The following EDA variants were observed in gnomAD, a reference collection of about 807,000 sequenced individuals.
EDA encodes the protein ectodysplasin-A.
Under a neutral mutation model 23.6 loss-of-function variants are expected in EDA, and 2 were observed. That is an observed-to-expected ratio of 0.08 (90% CI 0.03 to 0.27). The LOEUF (loss-of-function observed/expected upper bound fraction) is 0.27, where lower values mean the gene tolerates loss of function less well. EDA is among the 10% of genes least tolerant of loss of function. The probability of loss-of-function intolerance (pLI) is 1.00; values close to 1 mark genes in which losing one functional copy is unlikely to be tolerated. For missense variants in EDA, 229 were observed against 324.2 expected, an observed-to-expected ratio of 0.71 and a Z score of 2.26; for synonymous variants, 131 against 132.0, an observed-to-expected ratio of 0.99 and a Z score of 0.05.
chrX:69,623,305 C>T, intron 1 of EDA, among the ~76,000 whole-genome samples: 1 of 112,120 alleles, frequency 8.9e-6, no homozygotes, highest in Non-Finnish European at 1.9e-5. Flanking sequence ...CATGAACATG[C>T]CCAGCAGATT....
rs773499071 is a variant in EDA at position 69,827,068 on chromosome X, C to T, written c.397-129959C>T. Among the ~76,000 whole-genome samples the T allele has an allele frequency of 3.3e-3, 367 of 111,968 alleles. 1 individual carries two copies. Among genetic ancestry groups the T allele is most frequent in the African/African-American group, 0.011 (351 of 30,779 alleles). ...CTTTTAGAGTTTCTGCCGAGAGATC[C>T]GTTGTTAGTCTGATGGGCTTCCCTT... On this transcript the variant is annotated intron_variant, in intron 1 of 7. Coordinates refer to ENST00000374552, the MANE Select transcript of EDA (RefSeq NM_001399.5).
intron 1 of EDA, among the ~76,000 whole-genome samples, chrX:69,800,544 GC>G (rs1316674407): frequency 9.0e-6 from 1 of 110,842 alleles, no homozygotes; most frequent in Admixed American, 9.6e-5. Context: ...ATAACCTGAT[GC>G]CTCATTAGCC....
At chrX:69,881,920 T>G (rs190442904) in intron 1 of EDA, among the ~76,000 whole-genome samples, 2 of 109,994 alleles carry the variant, frequency 1.8e-5, no homozygotes, top group African/African-American at 3.3e-5. Context: ...GAGCAAGAAC[T>G]CACTCATTAC....
chrX:69,631,272 T>C (rs1932569689), intron 1 of EDA, among the ~76,000 whole-genome samples: 2 of 108,485 alleles, frequency 1.8e-5, no homozygotes, highest in African/African-American at 6.7e-5. Flanking sequence ...TCCTAGCTAC[T>C]TGGGAGGCTG....
chrX:69,656,191 A>G (rs1339184732), intron 1 of EDA, among the ~76,000 whole-genome samples: 2 of 110,967 alleles, frequency 1.8e-5, no homozygotes, highest in Non-Finnish European at 3.8e-5. Flanking sequence ...TTCCTGACTA[A>G]AACCTATATT....
chrX:70,018,036 T>C (rs746913738), intron 2 of EDA, among the ~76,000 whole-genome samples: 102 of 111,509 alleles, frequency 9.1e-4, no homozygotes, highest in Non-Finnish European at 1.2e-3. Flanking sequence ...CAAAAATTAG[T>C]AGCATTCCTA....
chrX:69,766,201 A>G (rs1413738120), intron 1 of EDA, among the ~76,000 whole-genome samples: 2 of 111,577 alleles, frequency 1.8e-5, no homozygotes, highest in Non-Finnish European at 3.8e-5. Context: ...GAGCCCACAC[A>G]TTGAGTTTTC....
intron 1 of EDA, among the ~76,000 whole-genome samples, chrX:69,725,435 A>G (rs1298412531): frequency 1.8e-5 from 2 of 112,219 alleles, no homozygotes; most frequent in Non-Finnish European, 3.8e-5. Flanking sequence ...TTCTGTGAGC[A>G]TTTTTTGACA....
chrX:69,855,074 C>CT (rs937823186), intron 1 of EDA, among the ~76,000 whole-genome samples: 74 of 109,740 alleles, frequency 6.7e-4, no homozygotes, highest in African/African-American at 2.4e-3. Flanking sequence ...TGATGCTGAG[C>CT]TTTTTTTTTC....
At chrX:69,791,498 A>C (rs1480054874) in intron 1 of EDA, among the ~76,000 whole-genome samples, 2 of 111,815 alleles carry the variant, frequency 1.8e-5, no homozygotes, top group Non-Finnish European at 3.8e-5. Flanking sequence ...CTTCTTAATC[A>C]CCATAAGAGG....
intron 1 of EDA, among the ~76,000 whole-genome samples, chrX:69,862,740 G>A (rs1284659981): frequency 9.0e-6 from 1 of 111,493 alleles, no homozygotes; most frequent in Non-Finnish European, 1.9e-5. Context: ...CACTGTGCCT[G>A]GCCAAGAACA....
Position 70,038,727 on chromosome X carries a change from G to A in EDA, c.*3118G>A, listed in dbSNP as rs996203104. The A allele has an allele frequency of 2.7e-5, 3 of 112,498 alleles. No individual in the cohort carries two copies. Among genetic ancestry groups the A allele is most frequent in the Non-Finnish European group, 3.8e-5 (2 of 53,260 alleles). 9.3% of individuals were successfully genotyped at this position (112,498 alleles called of 1,213,427 possible). On this transcript the variant is annotated 3_prime_UTR_variant, in exon 8 of 8. Coordinates refer to ENST00000374552, the MANE Select transcript of EDA (RefSeq NM_001399.5). ...CAAAGACTTTGATCCATGTATGAGT[G>A]TATGTGTTTATGTAACTTCCTGTGG...
chrX:69,686,910 A>G (rs910504541), intron 1 of EDA, among the ~76,000 whole-genome samples: 1 of 111,579 alleles, frequency 9.0e-6, no homozygotes, highest in Non-Finnish European at 1.9e-5. Flanking sequence ...TTGTGTAAAC[A>G]TTTGTTTTCA....
chrX:69,800,601 A>G (rs2015661002), intron 1 of EDA, among the ~76,000 whole-genome samples: 1 of 111,672 alleles, frequency 9.0e-6, no homozygotes, highest in African/African-American at 3.2e-5. Flanking sequence ...CTGGAGACTG[A>G]TGAATAATGA....
intron 1 of EDA, among the ~76,000 whole-genome samples, chrX:69,621,515 A>G (rs755494703): frequency 1.1e-3 from 122 of 111,842 alleles, no homozygotes; most frequent in Non-Finnish European, 2.1e-3. Context: ...TGTTATCACT[A>G]TATCCTCCTC....
At position 69,997,840 on chromosome X, in the gene EDA, C is replaced by G. The variant is rs1328120404; in HGVS notation, c.503-25378C>G. Among the ~76,000 whole-genome samples the G allele has an allele frequency of 2.7e-5, 3 of 112,483 alleles. No homozygotes were observed. The East Asian group carries it at 8.4e-4, about 31-fold the overall frequency. ...AGAGGTTGCAAGCCCCAAGCCATGG[C>G]AACTTCCACTTGGTTTTGAGCCTGC... On this transcript the variant is annotated intron_variant, in intron 2 of 7. Transcript: ENST00000374552.
At chrX:69,772,332 C>T (rs115841553) in intron 1 of EDA, among the ~76,000 whole-genome samples, 68 of 111,407 alleles carry the variant, frequency 6.1e-4, no homozygotes, top group African/African-American at 1.7e-3. Context: ...TAGTGGATTA[C>T]ATTAAATGAT....
At chrX:69,989,795 C>G (rs902920451) in intron 2 of EDA, among the ~76,000 whole-genome samples, 4 of 106,149 alleles carry the variant, frequency 3.8e-5, no homozygotes, top group Non-Finnish European at 5.8e-5. Flanking sequence ...AACTTGAGGA[C>G]AGATGAATAC....
intron 5 of EDA, 90 bp downstream of exon 5, chrX:70,029,628 G>A (rs2020170768): frequency 2.0e-6 from 2 of 980,755 alleles, no homozygotes; most frequent in Non-Finnish European, 2.9e-6. Flanking sequence ...ATTTCCTGAG[G>A]CTTTATTTCA....
Sources: allele counts gnomAD v4.1 joint callset (sites outside exome capture counted in the v4.1 genomes callset), GRCh38; gene constraint gnomAD v4.1.1; transcripts MANE v1.5; gene names NCBI Gene and HGNC (gene_info 2026-07-23, HGNC 2026-07-21).